The following SLC49A4 variants were observed in gnomAD, a reference collection of about 807,000 sequenced individuals.
The protein encoded by SLC49A4 is disrupted in renal cancer protein 2.
Under a neutral mutation model 50.6 loss-of-function variants are expected in SLC49A4, and 36 were observed. That is an observed-to-expected ratio of 0.71 (90% CI 0.55 to 0.94). The LOEUF (loss-of-function observed/expected upper bound fraction) is 0.94. SLC49A4 is among the 40% of genes least tolerant of loss of function. SLC49A4 has a pLI of 0.00. For synonymous variants in SLC49A4, 248 were observed against 241.2 expected (o/e 1.03, Z -0.26); for missense variants, 503 against 605.7 (o/e 0.83, Z 1.78).
intron 2 of SLC49A4, among the ~76,000 whole-genome samples, chr3:122,809,542 G>A (rs897697589): frequency 2.0e-5 from 3 of 151,996 alleles, no homozygotes; most frequent in African/African-American, 4.8e-5. Flanking sequence ...GCAACACAGC[G>A]AGACCCCATC....
Position 122,880,020 on chromosome 3 carries a change from A to G in SLC49A4, c.*642A>G, listed in dbSNP as rs1300202470. On this transcript the variant is annotated 3_prime_UTR_variant, in exon 9 of 9. Coordinates refer to ENST00000261038, the MANE Select transcript of SLC49A4 (RefSeq NM_032839.3). ...AGGCACTGTGTCTCCATCTCAACTTATCCTTGTTTCTGTGAAATACAATTT... is the reference window on the plus strand; with the variant it reads ...AGGCACTGTGTCTCCATCTCAACTTGTCCTTGTTTCTGTGAAATACAATTT... 6.6e-6 allele frequency: 1 copy of G among 152,584 alleles called. No individual in the cohort carries two copies. The highest frequency in any genetic ancestry group is 6.5e-5 in the Admixed American group (1 of 15,276). 9.5% of individuals were successfully genotyped at this position (152,584 alleles called of 1,614,324 possible).
At chr3:122,838,656 T>C (rs1483270735) in intron 4 of SLC49A4, among the ~76,000 whole-genome samples, 3 of 151,804 alleles carry the variant, frequency 2.0e-5, no homozygotes, top group Non-Finnish European at 2.9e-5. Context: ...TGTATACATA[T>C]GTAACAAACC....
intron 4 of SLC49A4, among the ~76,000 whole-genome samples, chr3:122,839,937 G>A (rs1936744972): frequency 6.6e-6 from 1 of 152,134 alleles, no homozygotes; most frequent in Admixed American, 6.5e-5. Context: ...GTATGCACAT[G>A]CACATACATG....
chr3:122,834,975 C>T (rs1936659211), intron 4 of SLC49A4, among the ~76,000 whole-genome samples: 1 of 152,088 alleles, frequency 6.6e-6, no homozygotes, highest in Non-Finnish European at 1.5e-5. Flanking sequence ...CTTCTGGAAA[C>T]ATACAACCCT....
intron 7 of SLC49A4, among the ~76,000 whole-genome samples, chr3:122,863,992 G>C (rs531253800): frequency 1.1e-4 from 16 of 152,194 alleles, no homozygotes; most frequent in African/African-American, 3.9e-4. Flanking sequence ...AGGTTCAAGT[G>C]ATTCTCATGC....
At chr3:122,876,573 TC>T (rs1937270690) in intron 8 of SLC49A4, among the ~76,000 whole-genome samples, 1 of 152,152 alleles carries the variant, frequency 6.6e-6, no homozygotes, top group South Asian at 2.1e-4. Flanking sequence ...TCCTGGGAAA[TC>T]ATGGGGTCAG....
At chr3:122,804,765 G>A (rs752311469) in intron 1 of SLC49A4, among the ~76,000 whole-genome samples, 2 of 152,228 alleles carry the variant, frequency 1.3e-5, no homozygotes, top group Admixed American at 6.5e-5. Flanking sequence ...GATTATAGGC[G>A]TGAACCACAG....
chr3:122,851,867 A>G (rs1402442827), intron 5 of SLC49A4, among the ~76,000 whole-genome samples: 4 of 151,216 alleles, frequency 2.6e-5, no homozygotes, highest in East Asian at 1.9e-4. Flanking sequence ...TTTCCTTTCT[A>G]TGCTTCAGAC....
chr3:122,812,945 G>GA (rs558840555), intron 2 of SLC49A4, among the ~76,000 whole-genome samples: 184 of 152,006 alleles, frequency 1.2e-3, no homozygotes, highest in African/African-American at 4.2e-3. Context: ...ATTTAAGAGG[G>GA]AAAAAAAGGG....
At chr3:122,859,979 G>A in intron 6 of SLC49A4, 96 bp from the exon 7 acceptor site, 1 of 1,078,942 alleles carries the variant, frequency 9.3e-7, no homozygotes, top group Non-Finnish European at 1.3e-6. Context: ...AAGAATATAT[G>A]GAAAATTCCT....
intron 5 of SLC49A4, among the ~76,000 whole-genome samples, chr3:122,852,101 C>T (rs1336483296): frequency 4.0e-5 from 6 of 151,248 alleles, no homozygotes; most frequent in Non-Finnish European, 7.4e-5. Flanking sequence ...AAGCAGTCCT[C>T]CTGCCTCAGC....
intron 4 of SLC49A4, among the ~76,000 whole-genome samples, chr3:122,843,450 CTT>C (rs1257534501): frequency 6.6e-6 from 1 of 152,158 alleles, no homozygotes; most frequent in African/African-American, 2.4e-5. Context: ...AAAATAGACT[CTT>C]TTTAACATAT....
chr3:122,863,087 A>G (rs141876221), intron 7 of SLC49A4, among the ~76,000 whole-genome samples: 1 of 152,320 alleles, frequency 6.6e-6, no homozygotes, highest in South Asian at 2.1e-4. Context: ...CACAGAATTT[A>G]TAAGTTCTAC....
chr3:122,867,724 G>C (rs896934105), intron 7 of SLC49A4, among the ~76,000 whole-genome samples: 4 of 152,266 alleles, frequency 2.6e-5, no homozygotes, highest in Admixed American at 6.5e-5. Flanking sequence ...GCTCACGCCT[G>C]TAATCCCAGC....
rs71621692 is a variant in SLC49A4 at position 122,813,240 on chromosome 3, C to CAAAA, written c.437+6303_437+6306dup. ...TGGGCGATAGAGCGAGACTCTGTCT[C>CAAAA]AAAAAAAAAAAAAAAAGCTGTGTAA... On this transcript the variant is annotated intron_variant, in intron 2 of 8. Coordinates refer to ENST00000261038, the MANE Select transcript of SLC49A4 (RefSeq NM_032839.3). 3.0e-4 allele frequency among the ~76,000 whole-genome samples: 26 copies of CAAAA among 85,294 alleles called. No individual in the cohort carries two copies. The South Asian group carries it at 3.1e-3, about 10-fold the overall frequency. 56.0% of individuals were successfully genotyped at this position (85,294 alleles called of 152,430 possible).
intron 4 of SLC49A4, among the ~76,000 whole-genome samples, chr3:122,839,571 C>T (rs572990250): frequency 1.1e-4 from 17 of 152,080 alleles, no homozygotes; most frequent in Admixed American, 3.3e-4. Context: ...AAAAAGTGGG[C>T]AAATGTCATG....
At chr3:122,856,419 A>G (rs2107578214) in intron 6 of SLC49A4, 45 bp downstream of exon 6, 2 of 1,550,280 alleles carry the variant, frequency 1.3e-6, no homozygotes, top group Non-Finnish European at 1.8e-6. Flanking sequence ...AGCAGGGGGA[A>G]AAAGCCTAAA....
chr3:122,840,939 A>AT (rs1404645989), intron 4 of SLC49A4, among the ~76,000 whole-genome samples: 2 of 152,320 alleles, frequency 1.3e-5, no homozygotes, highest in Non-Finnish European at 2.9e-5. Context: ...GTAGAATACT[A>AT]TTTTTATTCT....
intron 1 of SLC49A4, among the ~76,000 whole-genome samples, chr3:122,797,053 T>G (rs1936052929): frequency 6.6e-6 from 1 of 152,214 alleles, no homozygotes; most frequent in Non-Finnish European, 1.5e-5. Context: ...TAGTTATACT[T>G]CCTTCTCTCC....
Sources: gnomAD v4.1 joint callset for allele counts (sites outside exome capture counted in the v4.1 genomes callset) on GRCh38, gnomAD v4.1.1 for gene constraint, MANE v1.5 for transcripts, NCBI Gene and HGNC (gene_info 2026-07-23, HGNC 2026-07-21) for gene names.